The following ADCY8 variants were observed in gnomAD, a reference collection of about 807,000 sequenced individuals.
ADCY8 encodes adenylate cyclase 8.
In ADCY8, 51 loss-of-function variants were observed where a neutral mutation model predicts 119.7. The observed-to-expected ratio is 0.43, with a 90% CI of 0.34 to 0.54. ADCY8 has a LOEUF of 0.54. Among genes scored for constraint, ADCY8 ranks in the 20% least tolerant of loss-of-function variants. The pLI is 0.03. For missense variants in ADCY8, 1,383 were observed against 1,598.8 expected (o/e 0.87, Z 2.30); for synonymous variants, 665 against 651.0 (o/e 1.02, Z -0.33).
intron 9 of ADCY8, among the ~76,000 whole-genome samples, chr8:130,862,976 T>C (rs540547860): frequency 1.3e-5 from 2 of 152,358 alleles, no homozygotes; most frequent in East Asian, 3.9e-4. Context: ...TTGGGTGGAA[T>C]AGTCTATTAA....
At chr8:131,000,772 C>A (rs1341813137) in intron 1 of ADCY8, among the ~76,000 whole-genome samples, 1 of 151,974 alleles carries the variant, frequency 6.6e-6, no homozygotes, top group African/African-American at 2.4e-5. Context: ...TCGCCACATG[C>A]ACCCTAGGAT....
rs149831902 is a variant in ADCY8, at chr8:130,900,985, G to C, written c.1911+2787C>G. ...ATTCCAGTACTGCTTATTTTAGTTG[G>C]AAGTTCTATCATCGACGCAGTTCCA... is the stretch of plus-strand genomic sequence containing the variant. On this transcript the variant is annotated intron_variant, in intron 7 of 17. Coordinates refer to ENST00000286355, the MANE Select transcript of ADCY8 (RefSeq NM_001115.3). 1.8e-4 allele frequency among the ~76,000 whole-genome samples: 27 copies of C among 152,190 alleles called. 1 individual carries two copies. In the East Asian group the frequency reaches 4.6e-3, roughly 26 times the overall value.
At chr8:130,785,013 GTTA>G (rs1563662858) in intron 16 of ADCY8, among the ~76,000 whole-genome samples, 1 of 152,156 alleles carries the variant, frequency 6.6e-6, no homozygotes, top group Non-Finnish European at 1.5e-5. Flanking sequence ...AGCAGCAACT[GTTA>G]TTATTATGAT....
chr8:130,936,139 G>A (rs1336742394), intron 5 of ADCY8, among the ~76,000 whole-genome samples: 1 of 150,436 alleles, frequency 6.6e-6, no homozygotes, highest in Non-Finnish European at 1.5e-5. Flanking sequence ...TCTTGTTACT[G>A]CTTTTGCTGT....
At chr8:130,915,393 A>T (rs1820097029) in intron 5 of ADCY8, among the ~76,000 whole-genome samples, 7 of 152,214 alleles carry the variant, frequency 4.6e-5, no homozygotes, top group Admixed American at 3.9e-4. Flanking sequence ...ATTGATCTAT[A>T]CATTAGACAG....
intron 1 of ADCY8, among the ~76,000 whole-genome samples, chr8:131,033,922 C>G (rs890667045): frequency 6.6e-6 from 1 of 151,944 alleles, no homozygotes; most frequent in Non-Finnish European, 1.5e-5. Flanking sequence ...GGTTGACACT[C>G]AAATCGGCTT....
At chr8:130,993,039 G>A (rs1287422679) in intron 1 of ADCY8, among the ~76,000 whole-genome samples, 1 of 152,064 alleles carries the variant, frequency 6.6e-6, no homozygotes, top group South Asian at 2.1e-4. Flanking sequence ...CTTCAGTTAT[G>A]ATAAAGATTT....
chr8:130,886,629 C>T (rs572390310), intron 7 of ADCY8, among the ~76,000 whole-genome samples: 32 of 152,188 alleles, frequency 2.1e-4, no homozygotes, highest in African/African-American at 7.2e-4. Context: ...CAGCTGTCCT[C>T]GTCTGACCAT....
At chr8:130,970,754 T>C (rs1821900052) in intron 2 of ADCY8, among the ~76,000 whole-genome samples, 1 of 152,194 alleles carries the variant, frequency 6.6e-6, no homozygotes, top group Non-Finnish European at 1.5e-5. Context: ...TTGTTTCTTT[T>C]TTAGGTCACT....
chr8:130,802,114 C>A, intron 14 of ADCY8, among the ~76,000 whole-genome samples: 1 of 152,058 alleles, frequency 6.6e-6, no homozygotes, highest in African/African-American at 2.4e-5. Flanking sequence ...TGCCCTCACC[C>A]TCCTCCAATC....
intron 17 of ADCY8, among the ~76,000 whole-genome samples, chr8:130,781,299 C>A (rs906222287): frequency 1.1e-4 from 16 of 152,184 alleles, no homozygotes; most frequent in South Asian, 2.1e-4. Flanking sequence ...CCTGCACAGG[C>A]CTTTTCCCTC....
At chr8:130,869,974 T>TTCC (rs747794446) in intron 8 of ADCY8, among the ~76,000 whole-genome samples, 73 of 148,726 alleles carry the variant, frequency 4.9e-4, no homozygotes, top group African/African-American at 1.5e-3. Flanking sequence ...TTCTTCCTTC[T>TTCC]TCCTCCTCCT....
chr8:130,930,367 T>C (rs1379096820), intron 5 of ADCY8, among the ~76,000 whole-genome samples: 1 of 151,904 alleles, frequency 6.6e-6, no homozygotes, highest in East Asian at 1.9e-4. Context: ...TTCTCCTGCC[T>C]CAGCCTCTCA....
intron 2 of ADCY8, among the ~76,000 whole-genome samples, chr8:130,977,707 A>T (rs928943060): frequency 6.6e-6 from 1 of 152,230 alleles, no homozygotes; most frequent in South Asian, 2.1e-4. Context: ...TATTCCACAG[A>T]TGTGTAAATT....
intron 1 of ADCY8, among the ~76,000 whole-genome samples, chr8:131,026,129 C>T (rs1223281772): frequency 1.3e-5 from 2 of 152,140 alleles, no homozygotes; most frequent in Non-Finnish European, 2.9e-5. Context: ...CCAAAATACA[C>T]ATGTTAAAAT....
At chr8:131,018,285 G>A (rs928686847) in intron 1 of ADCY8, among the ~76,000 whole-genome samples, 3 of 152,118 alleles carry the variant, frequency 2.0e-5, no homozygotes, top group Non-Finnish European at 2.9e-5. Context: ...AATAATGCTC[G>A]TATTCAACTT....
chr8:131,015,466 G>A (rs1014520416), intron 1 of ADCY8, among the ~76,000 whole-genome samples: 3 of 152,130 alleles, frequency 2.0e-5, no homozygotes, highest in African/African-American at 7.2e-5. Flanking sequence ...ACAAACATTT[G>A]CAGCAATTGC....
At chr8:131,030,511 G>A (rs1362539668) in intron 1 of ADCY8, among the ~76,000 whole-genome samples, 2 of 152,122 alleles carry the variant, frequency 1.3e-5, no homozygotes, top group Admixed American at 1.3e-4. Flanking sequence ...TCCAAGTCTT[G>A]CATTTGTGTA....
At chr8:130,870,878 T>C (rs763322130) in intron 8 of ADCY8, among the ~76,000 whole-genome samples, 11 of 152,184 alleles carry the variant, frequency 7.2e-5, no homozygotes, top group Non-Finnish European at 1.5e-4. Flanking sequence ...GCCAATTTCT[T>C]TGAACCTCAC....
Sources: allele counts gnomAD v4.1 joint callset (sites outside exome capture counted in the v4.1 genomes callset), GRCh38; gene constraint gnomAD v4.1.1; transcripts MANE v1.5; gene names NCBI Gene and HGNC (gene_info 2026-07-23, HGNC 2026-07-21).